DZIP1L: variants seen among roughly 807,000 people sequenced by gnomAD.
DZIP1L encodes DAZ interacting zinc finger protein 1 like, also known as cilium assembly protein DZIP1L.
A neutral mutation model predicts 88.7 loss-of-function variants in DZIP1L; 90 were observed. The ratio of observed to expected loss-of-function variants is 1.02; its 90% confidence interval spans 0.86 to 1.21. The LOEUF is 1.21. Ranked by LOEUF, DZIP1L falls within the 50% of genes most tolerant of loss-of-function variation. The pLI is 0.00. For synonymous variants in DZIP1L, 363 were observed against 372.1 expected (o/e 0.98, Z 0.28); for missense variants, 932 against 955.8 (o/e 0.98, Z 0.33).
In DZIP1L at chr3:138,071,750, G is replaced by T; in HGVS notation, c.1508C>A (p.Ser503Tyr). The T allele has an allele frequency of 6.2e-7, 1 of 1,614,176 alleles. No individual in the cohort carries two copies. The highest frequency in any genetic ancestry group is 8.5e-7 in the Non-Finnish European group (1 of 1,180,044). The part of the protein sequence containing the change: ...VQREQKARKF[S>Y]EFLSLRGKLV... ...CTTTCCCCTCAGACTCAGAAATTCA[G>T]AAAACTTCCGGGCCTTCTGCTCCCG... The change falls in exon 12 of 16, where the codon TCT becomes TAT. Residue 503 changes from serine to tyrosine, a missense_variant. By Grantham distance (144) the Ser-to-Tyr change is moderately radical. Coordinates refer to ENST00000327532, the MANE Select transcript of DZIP1L (RefSeq NM_173543.3).
At chr3:138,091,343 G>A (rs139131427) in intron 5 of DZIP1L, among the ~76,000 whole-genome samples, 284 of 151,762 alleles carry the variant, frequency 1.9e-3, no homozygotes, top group African/African-American at 6.4e-3. Context: ...ACGGCCGGGC[G>A]CAGTGGCTCA....
intron 10 of DZIP1L, among the ~76,000 whole-genome samples, chr3:138,080,125 T>C (rs1943579143): frequency 6.6e-6 from 1 of 152,208 alleles, no homozygotes; most frequent in African/African-American, 2.4e-5. Context: ...TGGATTCCTA[T>C]GCATTAGTCA....
chr3:138,099,600 G>A (rs1944632729), intron 2 of DZIP1L, among the ~76,000 whole-genome samples: 1 of 152,166 alleles, frequency 6.6e-6, no homozygotes. Context: ...AGTGTTGAGA[G>A]GTGGGGCCCA....
At chr3:138,115,130 G>A (rs1330572095) in intron 1 of DZIP1L, among the ~76,000 whole-genome samples, 198 bp downstream of exon 1, 3 of 152,046 alleles carry the variant, frequency 2.0e-5, no homozygotes, top group Non-Finnish European at 2.9e-5. Context: ...GGCCGCGCCG[G>A]GCCAGAAGGG....
chr3:138,109,901 T>G (rs745749401), intron 1 of DZIP1L, among the ~76,000 whole-genome samples: 4 of 151,716 alleles, frequency 2.6e-5, no homozygotes, highest in African/African-American at 9.7e-5. Flanking sequence ...TAAGTGGGAG[T>G]TGAACAATGA....
chr3:138,065,919 G>A (rs2107730188), intron 14 of DZIP1L, among the ~76,000 whole-genome samples: 1 of 152,290 alleles, frequency 6.6e-6, no homozygotes, highest in African/African-American at 2.4e-5. Flanking sequence ...GGCTCAACTA[G>A]TCATTGCAAC....
intron 1 of DZIP1L, among the ~76,000 whole-genome samples, chr3:138,114,079 G>A (rs1399340978): frequency 6.6e-6 from 1 of 152,170 alleles, no homozygotes; most frequent in African/African-American, 2.4e-5. Context: ...ACATACTAGC[G>A]TTTTCTTTGC....
At chr3:138,097,872 A>C (rs762085286) in intron 2 of DZIP1L, 25 bp from the exon 3 acceptor site, 2 of 1,596,394 alleles carry the variant, frequency 1.3e-6, no homozygotes, top group Non-Finnish European at 1.7e-6. Context: ...AGCAATGGGG[A>C]GTACAAGATT....
chr3:138,096,835 T>C (rs1944495312), intron 3 of DZIP1L, among the ~76,000 whole-genome samples: 1 of 152,164 alleles, frequency 6.6e-6, no homozygotes. Context: ...CTTAATGGCA[T>C]TTTTACATCT....
chr3:138,090,432 G>A (rs1301354924), intron 5 of DZIP1L, among the ~76,000 whole-genome samples: 3 of 152,204 alleles, frequency 2.0e-5, no homozygotes, highest in Non-Finnish European at 4.4e-5. Flanking sequence ...ATGTGCTTGG[G>A]AAGGATGGGT....
intron 3 of DZIP1L, among the ~76,000 whole-genome samples, chr3:138,095,243 C>A (rs1197706635): frequency 1.3e-5 from 2 of 152,014 alleles, no homozygotes; most frequent in African/African-American, 4.8e-5. Context: ...GTGTCTGGCA[C>A]GACAGCTCAA....
chr3:138,106,974 T>C (rs986083746), intron 1 of DZIP1L, among the ~76,000 whole-genome samples: 26 of 152,148 alleles, frequency 1.7e-4, no homozygotes, highest in African/African-American at 6.3e-4. Flanking sequence ...AGGCCAGCCC[T>C]GCCTACCTCA....
chr3:138,070,949 G>A lies in DZIP1L; in HGVS notation c.1615+694C>T, dbSNP rs150900224. Among the ~76,000 whole-genome samples, 8 of 152,316 alleles carry A rather than the reference G, an allele frequency of 5.3e-5. No individual in the cohort carries two copies. The South Asian group carries it at 6.2e-4, about 12-fold the overall frequency. ...CTGGGAACACAAATACACTTGCTCC[G>A]TAAGAACAGACTCAAGGGTCCTGGT... is the stretch of plus-strand genomic sequence containing the variant. On this transcript the variant is annotated intron_variant, in intron 12 of 15. Coordinates refer to ENST00000327532, the MANE Select transcript of DZIP1L (RefSeq NM_173543.3).
In DZIP1L at chr3:138,077,518, T is replaced by C; in HGVS notation, c.1403A>G (p.Glu468Gly). 1 of 1,614,202 alleles carries C rather than the reference T, an allele frequency of 6.2e-7. No individual in the cohort carries two copies. Among genetic ancestry groups the C allele is most frequent in the South Asian group, 1.1e-5 (1 of 91,090 alleles). Residue 468 changes from glutamate to glycine, a missense_variant, in exon 11 of 16, where the codon GAA becomes GGA. Glu to Gly is a moderately conservative substitution (Grantham distance 98, BLOSUM62 -2). Coordinates refer to ENST00000327532, the MANE Select transcript of DZIP1L (RefSeq NM_173543.3). ...ILEDTLEEKL[E>G]SMGIRKDAKG... ...ACTCACCTTCCTTATCCCCATGCTT[T>C]CGAGCTTCTCTTCCAGGGTGTCCTC...
At chr3:138,069,243 T>C in intron 12 of DZIP1L, 1 of 531,704 alleles carries the variant, frequency 1.9e-6, no homozygotes, top group Non-Finnish European at 3.4e-6. Flanking sequence ...ACATATTTGC[T>C]CTTCCTTGTG....
chr3:138,101,984 G>A (rs1036204838), intron 2 of DZIP1L: 23 of 1,540,794 alleles, frequency 1.5e-5, no homozygotes, highest in Non-Finnish European at 1.9e-5. Flanking sequence ...TGATGTTCTG[G>A]TTCATCTCAG....
chr3:138,086,965 T>G lies in DZIP1L; in HGVS notation c.1058A>C (p.Lys353Thr), dbSNP rs1196212402. 1.2e-6 allele frequency: 2 copies of G among 1,613,730 alleles called. No individual in the cohort carries two copies. The highest frequency in any genetic ancestry group is 2.7e-5 in the African/African-American group (2 of 74,910). The change falls in exon 7 of 16, where the codon AAA (lysine) becomes ACA (threonine). Residue 353 changes from lysine to threonine, a missense_variant. Lys to Thr is a moderately conservative substitution (Grantham distance 78). Coordinates refer to ENST00000327532, the MANE Select transcript of DZIP1L (RefSeq NM_173543.3). ...ELHEEHMAEK[K>T]ELQEENQRLQ... ...AGATCACCCAACAAAAGCTACCTCTTTCTTCTCAGCCATGTGCTCTTCATG... is the reference window on the plus strand; with the variant it reads ...AGATCACCCAACAAAAGCTACCTCTGTCTTCTCAGCCATGTGCTCTTCATG...
chr3:138,097,722 C>A lies in DZIP1L; in HGVS notation c.586+41G>T, dbSNP rs762781509. 5.7e-6 allele frequency: 9 copies of A among 1,567,376 alleles called. No homozygotes were observed. In the South Asian group the frequency reaches 1.0e-4, roughly 18 times the overall value. On this transcript the variant is annotated intron_variant, in intron 3 of 15. Coordinates refer to ENST00000327532, the MANE Select transcript of DZIP1L (RefSeq NM_173543.3). ...CACTGAATACCAGCCCCAGCCCTTT[C>A]CACAGTCCCAGAAGGGGCCCGGGCT...
chr3:138,078,867 TGG>T (rs1263179154), intron 10 of DZIP1L, among the ~76,000 whole-genome samples: 1 of 152,154 alleles, frequency 6.6e-6, no homozygotes, highest in Non-Finnish European at 1.5e-5. Context: ...TTAGGTAATG[TGG>T]GGGTGTAGCG....
Sources: allele counts gnomAD v4.1 joint callset (sites outside exome capture counted in the v4.1 genomes callset), GRCh38; gene constraint gnomAD v4.1.1; transcripts MANE v1.5; gene names NCBI Gene and HGNC (gene_info 2026-07-23, HGNC 2026-07-21).